STYX: variants seen among roughly 807,000 people sequenced by gnomAD.
The protein encoded by STYX is serine/threonine/tyrosine-interacting protein.
STYX carries 20 observed loss-of-function variants against 42.7 expected under a neutral mutation model. The ratio of observed to expected loss-of-function variants is 0.47; its 90% CI spans 0.33 to 0.68. The LOEUF (loss-of-function observed/expected upper bound fraction) is 0.68. Ranked by LOEUF, STYX falls within the 30% of genes least tolerant of loss-of-function variation. The pLI is 0.02. For synonymous variants in STYX, 78 were observed against 81.9 expected (o/e 0.95, Z 0.26); for missense variants, 226 against 268.5 (o/e 0.84, Z 1.11).
rs149364605 is a variant in STYX at position 52,733,221 on chromosome 14, G to T, written c.57+2690G>T. Reference sequence around the variant, plus strand: ...AAAATTCTAGTTTAAAATTTTCCCGGACTTTGCATTTAATCTGTTACTGTG... The same window carrying T: ...AAAATTCTAGTTTAAAATTTTCCCGTACTTTGCATTTAATCTGTTACTGTG... On this transcript the variant is annotated intron_variant, in intron 1 of 10. Coordinates refer to ENST00000354586, the MANE Select transcript of STYX (RefSeq NM_145251.4). Among the ~76,000 whole-genome samples the T allele has an allele frequency of 1.4e-3, 219 of 152,182 alleles. 2 individuals are homozygous for T. Among genetic ancestry groups the T allele is most frequent in the African/African-American group, 5.1e-3 (212 of 41,532 alleles).
chr14:52,769,930 C>T (rs1425199503), intron 10 of STYX, among the ~76,000 whole-genome samples: 1 of 152,090 alleles, frequency 6.6e-6, no homozygotes, highest in Non-Finnish European at 1.5e-5. Context: ...ATATGCCCTT[C>T]TGATTTTTTG....
At chr14:52,738,091 G>C (rs1881030253) in intron 1 of STYX, among the ~76,000 whole-genome samples, 1 of 152,092 alleles carries the variant, frequency 6.6e-6, no homozygotes, top group African/African-American at 2.4e-5. Context: ...GCAGGTTTAA[G>C]GTTTGTTCTG....
In STYX at chr14:52,730,509, C is replaced by T. The variant is rs765983936; in HGVS notation, c.35C>T (p.Pro12Leu). The T allele has an allele frequency of 5.0e-6, 8 of 1,613,722 alleles. No individual in the cohort carries two copies. Among genetic ancestry groups the T allele is most frequent in the Non-Finnish European group, 6.8e-6 (8 of 1,179,870 alleles). ...EDVKLEFPSL[P>L]QCKEDAEEWT... ...GTGAAGCTGGAGTTCCCTTCCCTTCCACAGTGCAAGGAAGACGCCGAGGTG... is the reference window on the plus strand; with the variant it reads ...GTGAAGCTGGAGTTCCCTTCCCTTCTACAGTGCAAGGAAGACGCCGAGGTG... Residue 12 changes from proline to leucine, a missense_variant, in exon 1 of 11, where the codon CCA (proline) becomes CTA (leucine). Pro to Leu is a moderately conservative substitution (Grantham distance 98). Transcript: ENST00000354586.
rs527712112 is a variant in STYX at position 52,742,536 on chromosome 14, G to C, written c.58-2316G>C. On this transcript the variant is annotated intron_variant, in intron 1 of 10. Transcript: ENST00000354586. ...AAAAGACAAAATTACAACAAATTTA[G>C]CTTAAAAATCTAACTCACTTTTATT... Among the ~76,000 whole-genome samples the C allele has an allele frequency of 2.0e-5, 3 of 152,212 alleles. No homozygotes were observed. The South Asian group carries it at 6.2e-4, about 32-fold the overall frequency.
At position 52,757,726 on chromosome 14, in the gene STYX, G is replaced by T; in HGVS notation, c.341-17G>T. On this transcript the variant is annotated splice_polypyrimidine_tract_variant and intron_variant, in intron 6 of 10. Transcript: ENST00000354586. ...TCAGGTGTTTTTCTATTAGAATAAT[G>T]AATTCATGTTTTTCAGGAAAAGTTC... 6.2e-7 allele frequency: 1 copy of T among 1,612,904 alleles called. No homozygotes were observed. Among genetic ancestry groups the T allele is most frequent in the South Asian group, 1.1e-5 (1 of 90,996 alleles).
At chr14:52,769,519 T>G (rs567975996) in intron 10 of STYX, among the ~76,000 whole-genome samples, 94 of 152,262 alleles carry the variant, frequency 6.2e-4, no homozygotes, top group African/African-American at 2.2e-3. Flanking sequence ...TACTTAGCAC[T>G]GACCTGGAAA....
chr14:52,743,021 C>G (rs983588943), intron 1 of STYX, among the ~76,000 whole-genome samples: 5 of 151,548 alleles, frequency 3.3e-5, no homozygotes, highest in African/African-American at 9.7e-5. Flanking sequence ...GTCTCAAATT[C>G]CTAACCTCAG....
Position 52,757,360 on chromosome 14 carries a change from A to G in STYX, c.340+5A>G. ...ATGGGAGCTTACAAATGGGAGGTAAATAACATTTCCTTTCCTTAACTAATG... is the reference window on the plus strand; with the variant it reads ...ATGGGAGCTTACAAATGGGAGGTAAGTAACATTTCCTTTCCTTAACTAATG... On this transcript the variant is annotated splice_donor_5th_base_variant and intron_variant, in intron 6 of 10. Coordinates refer to ENST00000354586, the MANE Select transcript of STYX (RefSeq NM_145251.4). The G allele has an allele frequency of 1.2e-6, 2 of 1,601,892 alleles. No homozygotes were observed. The highest frequency in any genetic ancestry group is 1.7e-5 in the Admixed American group (1 of 59,486).
At chr14:52,740,418 C>T (rs1243261196) in intron 1 of STYX, among the ~76,000 whole-genome samples, 2 of 152,066 alleles carry the variant, frequency 1.3e-5, no homozygotes, top group African/African-American at 4.8e-5. Context: ...TTAATTGTAA[C>T]TGTATGTTTG....
chr14:52,730,222 CTG>C lies in STYX; in HGVS notation c.-252_-251del, dbSNP rs1268211715. ...GGGCGGCCTGAGGGGTACGGAGACT[CTG>C]GGGGAGGGAGACGGCAGCGGCATGG... On this transcript the variant is annotated 5_prime_UTR_variant, in exon 1 of 11. Transcript: ENST00000354586. 3.6e-6 allele frequency: 2 copies of C among 562,964 alleles called. No individual in the cohort carries two copies. The highest frequency in any genetic ancestry group is 6.3e-6 in the Non-Finnish European group (2 of 315,044). 34.9% of individuals were successfully genotyped at this position (562,964 alleles called of 1,614,324 possible).
chr14:52,748,740 A>G (rs1002419015), intron 3 of STYX, among the ~76,000 whole-genome samples: 2 of 152,194 alleles, frequency 1.3e-5, no homozygotes, highest in African/African-American at 4.8e-5. Flanking sequence ...ATACATAATT[A>G]TGTGCATCGT....
In STYX at chr14:52,771,307, CT is replaced by C; in HGVS notation, c.*208del. 1.0e-5 allele frequency: 5 copies of C among 485,158 alleles called. No individual in the cohort carries two copies. Among genetic ancestry groups the C allele is most frequent in the Non-Finnish European group, 1.8e-5 (5 of 275,382 alleles). 30.1% of individuals were successfully genotyped at this position (485,158 alleles called of 1,614,324 possible). On this transcript the variant is annotated 3_prime_UTR_variant, in exon 11 of 11. Transcript: ENST00000354586. ...ATAGATGACACTGATGGTTTTACTC[CT>C]TTTTTTAAAAACACATGCGCGCGCA...
At chr14:52,740,847 C>T (rs963205034) in intron 1 of STYX, among the ~76,000 whole-genome samples, 4 of 152,186 alleles carry the variant, frequency 2.6e-5, no homozygotes, top group Admixed American at 1.3e-4. Context: ...CACTAATCCA[C>T]CCCATCAAGA....
At chr14:52,738,074 C>T (rs1055871924) in intron 1 of STYX, among the ~76,000 whole-genome samples, 2 of 152,148 alleles carry the variant, frequency 1.3e-5, no homozygotes, top group African/African-American at 2.4e-5. Flanking sequence ...CTGTGCCCGG[C>T]CAACAGGCAG....
intron 1 of STYX, among the ~76,000 whole-genome samples, chr14:52,740,714 G>A (rs888201974): frequency 6.6e-5 from 10 of 152,148 alleles, no homozygotes; most frequent in African/African-American, 2.4e-4. Flanking sequence ...GTGTCCATCT[G>A]ATTGTCCTTC....
chr14:52,731,945 TTTTC>T (rs1411850124), intron 1 of STYX, among the ~76,000 whole-genome samples: 16 of 96,370 alleles, frequency 1.7e-4, no homozygotes, highest in Admixed American at 5.3e-4. Flanking sequence ...CCGGGCTAAT[TTTTC>T]TTTTTTTTTT....
At chr14:52,756,500 C>T (rs761748078) in intron 4 of STYX, 51 bp from the exon 5 acceptor site, 19 of 1,048,468 alleles carry the variant, frequency 1.8e-5, no homozygotes, top group African/African-American at 3.3e-5. Context: ...TTTTAAAGTA[C>T]CTTAAGTGTT....
intron 4 of STYX, among the ~76,000 whole-genome samples, chr14:52,755,090 A>G (rs1478666329): frequency 6.7e-6 from 1 of 149,484 alleles, no homozygotes; most frequent in Non-Finnish European, 1.5e-5. Flanking sequence ...CCTGAGGTTC[A>G]GCTTCTGTGT....
chr14:52,739,663 A>C (rs1881108605), intron 1 of STYX, among the ~76,000 whole-genome samples: 1 of 92,856 alleles, frequency 1.1e-5, no homozygotes, highest in South Asian at 3.7e-4. Context: ...TTTCGTTGAG[A>C]TAGGGTCTGT....
Sources: allele counts gnomAD v4.1 joint callset (sites outside exome capture counted in the v4.1 genomes callset), GRCh38; gene constraint gnomAD v4.1.1; transcripts MANE v1.5; gene names NCBI Gene and HGNC (gene_info 2026-07-23, HGNC 2026-07-21).